The following BMP8B variants were observed in gnomAD, a reference collection of about 807,000 sequenced individuals.
BMP8B encodes bone morphogenetic protein 8 (osteogenic protein 2).
In BMP8B, 17 loss-of-function variants were observed where a neutral mutation model predicts 30.3. That is an observed-to-expected ratio of 0.56 (90% CI 0.38 to 0.84). The LOEUF (loss-of-function observed/expected upper bound fraction) is 0.84, where lower values mean the gene tolerates loss of function less well. Ranked by LOEUF, BMP8B falls within the 40% of genes least tolerant of loss-of-function variation. BMP8B has a pLI of 0.00. For missense variants in BMP8B, 253 were observed against 494.6 expected, an observed-to-expected ratio of 0.51 and a Z score of 4.63; for synonymous variants, 131 against 214.7, an observed-to-expected ratio of 0.61 and a Z score of 3.41.
At chr1:39,780,356 A>C (rs965537707) in intron 1 of BMP8B, among the ~76,000 whole-genome samples, 1 of 152,258 alleles carries the variant, frequency 6.6e-6, no homozygotes, top group Non-Finnish European at 1.5e-5. Flanking sequence ...GAAGCATCCA[A>C]GGTGGGATTT....
chr1:39,779,188 C>T (rs1039231813), intron 1 of BMP8B, among the ~76,000 whole-genome samples: 2 of 152,232 alleles, frequency 1.3e-5, no homozygotes, highest in African/African-American at 4.8e-5. Context: ...AGCCACCTTC[C>T]TCCAGGCAGG....
chr1:39,776,203 G>A (rs1650219081), intron 1 of BMP8B, among the ~76,000 whole-genome samples: 1 of 152,234 alleles, frequency 6.6e-6, no homozygotes, highest in Non-Finnish European at 1.5e-5. Flanking sequence ...GGGCCCCGTG[G>A]CAGGGGCTGG....
Position 39,788,544 on chromosome 1 carries a change from A to G in BMP8B, c.-59T>C. 1 of 995,928 alleles carries G rather than the reference A, an allele frequency of 1.0e-6. No individual in the cohort carries two copies. The highest frequency in any genetic ancestry group is 1.2e-6 in the Non-Finnish European group (1 of 838,594). The allele number at this position is 995,928 out of a possible 1,614,324, so 61.7% of individuals were successfully genotyped here. ...CGGGCGCGCATCGGCTCCGCGGCCG[A>G]CCCAGGGCCTGGGGACGCCCCGACG... On this transcript the variant is annotated 5_prime_UTR_variant, in exon 1 of 7. Coordinates refer to ENST00000372827, the MANE Select transcript of BMP8B (RefSeq NM_001720.5). The surrounding 1 kb of genome is among the most constrained non-coding windows in gnomAD (Gnocchi z 5.8).
At chr1:39,782,499 C>A (rs1650712861) in intron 1 of BMP8B, among the ~76,000 whole-genome samples, 1 of 151,862 alleles carries the variant, frequency 6.6e-6, no homozygotes, top group South Asian at 2.1e-4. Flanking sequence ...TGGCATTTCG[C>A]TCCTGTTGCT....
At chr1:39,782,031 C>T (rs1455156686) in intron 1 of BMP8B, among the ~76,000 whole-genome samples, 1 of 151,818 alleles carries the variant, frequency 6.6e-6, no homozygotes, top group Non-Finnish European at 1.5e-5. Context: ...TGGCGGGTGC[C>T]TGTAATCCCA....
At position 39,769,628 on chromosome 1, in the gene BMP8B, G is replaced by T. The variant is rs1279853347; in HGVS notation, c.673+4680C>A. 6.9e-6 allele frequency: 10 copies of T among 1,448,170 alleles called. No homozygotes were observed. In the East Asian group the frequency reaches 2.0e-4, roughly 29 times the overall value. The allele number at this position is 1,448,170 out of a possible 1,614,324, so 89.7% of individuals were successfully genotyped here. A position where few individuals can be genotyped will look rare whatever the true frequency, so the allele number is the denominator to read the frequency against. ...GTAGCAAACCCCTCCCAGAGCTGGG[G>T]ACATGTATTCCCCTGGGGAACCCGG... On this transcript the variant is annotated intron_variant, in intron 3 of 6. Coordinates refer to ENST00000372827, the MANE Select transcript of BMP8B (RefSeq NM_001720.5).
At chr1:39,776,071 C>G (rs1401886307) in intron 1 of BMP8B, among the ~76,000 whole-genome samples, 1 of 152,278 alleles carries the variant, frequency 6.6e-6, no homozygotes, top group Non-Finnish European at 1.5e-5. Context: ...GCCTGGGCTG[C>G]GCCTCTGGCC....
At chr1:39,779,764 G>C (rs533651088) in intron 1 of BMP8B, among the ~76,000 whole-genome samples, 93 of 152,336 alleles carry the variant, frequency 6.1e-4, no homozygotes, top group African/African-American at 2.2e-3. Flanking sequence ...CACGTGGTAC[G>C]TCCTTTCTGT....
rs537147603 is a variant in BMP8B, at chr1:39,788,336, C to T, written c.150G>A (p.Ala50=). 1.7e-6 allele frequency: 2 copies of T among 1,209,490 alleles called. No homozygotes were observed. Among genetic ancestry groups the T allele is most frequent in the South Asian group, 3.5e-5 (1 of 28,914 alleles). The allele number at this position is 1,209,490 out of a possible 1,614,324, so 74.9% of individuals were successfully genotyped here. A position where few individuals can be genotyped will look rare whatever the true frequency, so the allele number is the denominator to read the frequency against. Residue 50 remains alanine, a synonymous_variant, in exon 1 of 7, where the codon GCG becomes GCA. Transcript: ENST00000372827. The surrounding 1 kb of genome is among the most constrained non-coding windows in gnomAD (Gnocchi z 5.8). ...GGGGCCGCCCAGGCAGCCCGAGCAC[C>T]GCCAGGATCTCGCGCTGCACGTCCC... ...ERRDVQREIL[A]VLGLPGRPRP...
In BMP8B at chr1:39,769,522, A is replaced by G; in HGVS notation, c.674-4705T>C. On this transcript the variant is annotated intron_variant, in intron 3 of 6. Coordinates refer to ENST00000372827, the MANE Select transcript of BMP8B (RefSeq NM_001720.5). The stretch of plus-strand genomic sequence containing the variant: ...GCTCGAGAAACACAGTGAGGAACTG[A>G]TCTGTTTTCCTGTTGTTTTTAATTA... 3 of 836,434 alleles carry G rather than the reference A, an allele frequency of 3.6e-6. No individual in the cohort carries two copies. In the East Asian group the frequency reaches 9.3e-5, roughly 26 times the overall value. 51.8% of individuals were successfully genotyped at this position (836,434 alleles called of 1,614,324 possible). A position where few individuals can be genotyped will look rare whatever the true frequency, so the allele number is the denominator to read the frequency against.
chr1:39,775,216 G>A, intron 1 of BMP8B, among the ~76,000 whole-genome samples, 178 bp from the exon 2 acceptor site: 1 of 152,212 alleles, frequency 6.6e-6, no homozygotes, highest in Non-Finnish European at 1.5e-5. Flanking sequence ...TGGTCCCGGG[G>A]TGTAGACAGG....
intron 3 of BMP8B, among the ~76,000 whole-genome samples, chr1:39,768,914 C>T (rs924803739): frequency 2.7e-5 from 4 of 150,600 alleles, no homozygotes; most frequent in Admixed American, 2.6e-4. Flanking sequence ...CTCAGTGGCT[C>T]ATGTCTGTAA....
intron 5 of BMP8B, among the ~76,000 whole-genome samples, 189 bp from the exon 6 acceptor site, chr1:39,763,391 C>G (rs1649302073): frequency 6.9e-6 from 1 of 145,742 alleles, no homozygotes; most frequent in South Asian, 2.2e-4. Context: ...TGCGTCCCCT[C>G]CCCAGCCGGC....
chr1:39,786,402 C>A (rs1472878650), intron 1 of BMP8B, among the ~76,000 whole-genome samples: 1 of 152,190 alleles, frequency 6.6e-6, no homozygotes, highest in Admixed American at 6.5e-5. Flanking sequence ...ACCAATCACA[C>A]AACAACCCTG....
In BMP8B at chr1:39,788,075, G is replaced by A; in HGVS notation, c.334+77C>T. 13 of 1,406,050 alleles carry A rather than the reference G, an allele frequency of 9.2e-6. No homozygotes were observed. Among genetic ancestry groups the A allele is most frequent in the Non-Finnish European group, 1.2e-5 (13 of 1,085,568 alleles). 87.1% of individuals were successfully genotyped at this position (1,406,050 alleles called of 1,614,324 possible). ...GTGACTCCCCGTTCGGCCAGGGCCC[G>A]GCACAGCCCGCGGATGCGCGCCCCT... On this transcript the variant is annotated intron_variant, in intron 1 of 6. Coordinates refer to ENST00000372827, the MANE Select transcript of BMP8B (RefSeq NM_001720.5). This position sits in a 1 kb window ranked among gnomAD's most constrained non-coding sequence, Gnocchi z 5.8.
chr1:39,782,418 C>T (rs1029332599), intron 1 of BMP8B, among the ~76,000 whole-genome samples: 6 of 152,094 alleles, frequency 3.9e-5, no homozygotes, highest in African/African-American at 1.4e-4. Flanking sequence ...CAGGCCCTTC[C>T]CTCATAATAC....
At chr1:39,783,952 A>G (rs1202894504) in intron 1 of BMP8B, among the ~76,000 whole-genome samples, 2 of 152,222 alleles carry the variant, frequency 1.3e-5, no homozygotes, top group Non-Finnish European at 2.9e-5. Flanking sequence ...CTCAGTTTAC[A>G]TCACACGTTC....
chr1:39,787,237 G>A (rs1651045640), intron 1 of BMP8B, among the ~76,000 whole-genome samples: 1 of 151,390 alleles, frequency 6.6e-6, no homozygotes, highest in Non-Finnish European at 1.5e-5. Context: ...GATGGCCGGG[G>A]CCAGGGACCC....
At chr1:39,776,260 T>TC (rs1650223935) in intron 1 of BMP8B, among the ~76,000 whole-genome samples, 5 of 151,780 alleles carry the variant, frequency 3.3e-5, no homozygotes, top group African/African-American at 1.2e-4. Context: ...AGCCCACATT[T>TC]CCCCAGGTGT....
Sources: allele counts gnomAD v4.1 joint callset (sites outside exome capture counted in the v4.1 genomes callset), GRCh38; gene constraint gnomAD v4.1.1; non-coding constraint Gnocchi (gnomAD v3.1); transcripts MANE v1.5; gene names NCBI Gene and HGNC (gene_info 2026-07-23, HGNC 2026-07-21).